Variants in GNB1 observed in about 807,000 individuals in gnomAD.
GNB1 encodes the protein G protein subunit beta 1.
In GNB1, 2 loss-of-function variants were observed where a neutral mutation model predicts 42.9. The ratio of observed to expected loss-of-function variants is 0.05; its 90% CI spans 0.02 to 0.15. The LOEUF (loss-of-function observed/expected upper bound fraction) is 0.15. GNB1 is among the 10% of genes least tolerant of loss of function. GNB1 has a pLI of 1.00. For missense variants in GNB1, 193 were observed against 462.2 expected (o/e 0.42, Z 5.34); for synonymous variants, 183 against 174.7 (o/e 1.05, Z -0.38).
intron 1 of GNB1, among the ~76,000 whole-genome samples, chr1:1,889,080 AAAG>A: frequency 6.6e-6 from 1 of 152,334 alleles, no homozygotes; most frequent in Non-Finnish European, 1.5e-5. Flanking sequence ...TACTTTCAAT[AAAG>A]AGCTCCTCCC....
intron 1 of GNB1, among the ~76,000 whole-genome samples, chr1:1,873,760 G>A (rs934079876): frequency 1.3e-5 from 2 of 152,156 alleles, no homozygotes; most frequent in Non-Finnish European, 2.9e-5. Flanking sequence ...AGAGGTTACA[G>A]TGAGCCAAGA....
chr1:1,799,801 A>G (rs1290613771), intron 7 of GNB1, among the ~76,000 whole-genome samples: 1 of 152,194 alleles, frequency 6.6e-6, no homozygotes. Context: ...CCTCACACAC[A>G]AGACCTGTGG....
rs536578335 is a variant in GNB1 at position 1,787,224 on chromosome 1, T to A, written c.*9+98A>T. On this transcript the variant is annotated intron_variant, in intron 11 of 11. Transcript: ENST00000378609. This position sits in a 1 kb window ranked among gnomAD's most constrained non-coding sequence, Gnocchi z 4.4. ...AACACAATTCCAAATCAATGCTACA[T>A]CAACATTTATCTAGAAACCGTTAAT... 6.9e-6 allele frequency: 5 copies of A among 721,326 alleles called. No individual in the cohort carries two copies. Among genetic ancestry groups the A allele is most frequent in the African/African-American group, 5.3e-5 (3 of 56,416 alleles). 44.7% of individuals were successfully genotyped at this position (721,326 alleles called of 1,614,324 possible).
intron 7 of GNB1, among the ~76,000 whole-genome samples, chr1:1,803,573 T>C (rs753858879): frequency 1.1e-4 from 17 of 152,234 alleles, no homozygotes; most frequent in African/African-American, 1.7e-4. Flanking sequence ...TGAGCCACCA[T>C]GTCCAGCGCA....
intron 7 of GNB1, among the ~76,000 whole-genome samples, chr1:1,797,346 ATAC>A (rs1398384395): frequency 6.6e-6 from 1 of 152,216 alleles, no homozygotes; most frequent in Non-Finnish European, 1.5e-5. Flanking sequence ...ATACTGTATA[ATAC>A]TACTGCATAA....
chr1:1,832,331 T>C (rs923095762), intron 2 of GNB1: 2 of 152,184 alleles, frequency 1.3e-5, no homozygotes, highest in African/African-American at 2.4e-5. Flanking sequence ...TCTCCTCCGG[T>C]GCCGACGTCA....
At chr1:1,861,457 AAAT>A (rs746339517) in intron 1 of GNB1, among the ~76,000 whole-genome samples, 26 of 151,514 alleles carry the variant, frequency 1.7e-4, no homozygotes, top group Non-Finnish European at 2.4e-4. Context: ...ACTGTCTCAA[AAAT>A]AATAATAATA....
At chr1:1,878,995 A>G (rs1181413534) in intron 1 of GNB1, among the ~76,000 whole-genome samples, 2 of 152,088 alleles carry the variant, frequency 1.3e-5, no homozygotes, top group Non-Finnish European at 2.9e-5. Context: ...AAGTCTGGTC[A>G]CTCCTTTAAG....
In GNB1 at chr1:1,890,854, C is replaced by A. The variant is rs1650467932; in HGVS notation, c.-130G>T. Reference sequence around the variant, plus strand: ...CTCGTCGCGGCCTGACGCGCCCACACCGCCGCCTCGGCCGCCGCTCGGCAG... The same window carrying A: ...CTCGTCGCGGCCTGACGCGCCCACAACGCCGCCTCGGCCGCCGCTCGGCAG... On this transcript the variant is annotated 5_prime_UTR_variant, in exon 1 of 12. Transcript: ENST00000378609. 6.8e-6 allele frequency: 1 copy of A among 147,564 alleles called. No individual in the cohort carries two copies. The highest frequency in any genetic ancestry group is 1.5e-5 in the Non-Finnish European group (1 of 66,232). The allele number at this position is 147,564 out of a possible 1,614,324, so 9.1% of individuals were successfully genotyped here.
chr1:1,853,481 C>T (rs1648098428), intron 1 of GNB1, among the ~76,000 whole-genome samples: 1 of 152,032 alleles, frequency 6.6e-6, no homozygotes, highest in African/African-American at 2.4e-5. Flanking sequence ...AAGAGAAATC[C>T]TAGAAACATG....
chr1:1,833,744 C>T (rs1647107566), intron 2 of GNB1, among the ~76,000 whole-genome samples: 1 of 152,132 alleles, frequency 6.6e-6, no homozygotes, highest in Non-Finnish European at 1.5e-5. Context: ...TGCTAATGGG[C>T]CAACATTTGA....
At chr1:1,839,147 T>C (rs1406863021) in intron 2 of GNB1, 43 bp downstream of exon 2, 3 of 152,194 alleles carry the variant, frequency 2.0e-5, no homozygotes, top group Admixed American at 6.6e-5. Flanking sequence ...AATTTATATA[T>C]TGTCTTTCTA....
Position 1,854,020 on chromosome 1 carries a change from A to G in GNB1, c.-95-14782T>C, listed in dbSNP as rs528541287. 3.9e-5 allele frequency among the ~76,000 whole-genome samples: 6 copies of G among 152,246 alleles called. No individual in the cohort carries two copies. In the South Asian group the frequency reaches 1.0e-3, roughly 26 times the overall value. Reference sequence around the variant, plus strand: ...CTCAACAACGACCTGCCCATCTCCAATCATGTGCCAGGCACCACAGCTCAG... The same window carrying G: ...CTCAACAACGACCTGCCCATCTCCAGTCATGTGCCAGGCACCACAGCTCAG... On this transcript the variant is annotated intron_variant, in intron 1 of 11. Transcript: ENST00000378609.
chr1:1,808,775 C>T (rs540182901), intron 5 of GNB1, among the ~76,000 whole-genome samples: 2 of 152,062 alleles, frequency 1.3e-5, no homozygotes, highest in Non-Finnish European at 2.9e-5. Context: ...TCCCAAGTAG[C>T]TGGGATTACA....
intron 7 of GNB1, among the ~76,000 whole-genome samples, chr1:1,803,927 A>T (rs1353063609): frequency 1.5e-5 from 2 of 137,770 alleles, no homozygotes; most frequent in African/African-American, 5.4e-5. Flanking sequence ...GGTTGCAGTG[A>T]GCCAAGAATG....
At chr1:1,881,861 G>C (rs1183642314) in intron 1 of GNB1, among the ~76,000 whole-genome samples, 1 of 152,160 alleles carries the variant, frequency 6.6e-6, no homozygotes, top group Non-Finnish European at 1.5e-5. Flanking sequence ...GGGTGCTGGA[G>C]ACAGTGAAGG....
At chr1:1,882,497 G>A (rs1458207300) in intron 1 of GNB1, among the ~76,000 whole-genome samples, 3 of 147,972 alleles carry the variant, frequency 2.0e-5, no homozygotes, top group African/African-American at 7.5e-5. Context: ...CACCATTACA[G>A]TTTTTATAAA....
At chr1:1,874,891 C>T (rs893039678) in intron 1 of GNB1, among the ~76,000 whole-genome samples, 5 of 152,216 alleles carry the variant, frequency 3.3e-5, no homozygotes, top group African/African-American at 9.6e-5. Context: ...TGCCAGGGAC[C>T]GGTTTTGTGA....
chr1:1,816,547 T>A (rs181367837), intron 4 of GNB1, among the ~76,000 whole-genome samples: 1 of 152,260 alleles, frequency 6.6e-6, no homozygotes, highest in East Asian at 1.9e-4. Context: ...CCTAAAGCAT[T>A]TAGACAATGT....
Sources: allele counts gnomAD v4.1 joint callset (sites outside exome capture counted in the v4.1 genomes callset), GRCh38; gene constraint gnomAD v4.1.1; non-coding constraint Gnocchi (gnomAD v3.1); transcripts MANE v1.5; gene names NCBI Gene and HGNC (gene_info 2026-07-23, HGNC 2026-07-21).